Variants in DOK5 observed in about 807,000 individuals in gnomAD.
DOK5 encodes docking protein 5.
Under a neutral mutation model 43.3 loss-of-function variants are expected in DOK5, and 27 were observed. The ratio of observed to expected loss-of-function variants is 0.62; its 90% CI spans 0.46 to 0.86. The LOEUF is 0.86. Ranked by LOEUF, DOK5 falls within the 40% of genes least tolerant of loss-of-function variation. The pLI, the probability that DOK5 is intolerant of heterozygous loss-of-function variation, is 0.00. For synonymous variants in DOK5, 146 were observed against 140.1 expected (o/e 1.04, Z -0.30); for missense variants, 373 against 392.9 (o/e 0.95, Z 0.43).
At chr20:54,546,853 T>C (rs1048166689) in intron 1 of DOK5, among the ~76,000 whole-genome samples, 6 of 152,186 alleles carry the variant, frequency 3.9e-5, no homozygotes, top group African/African-American at 1.4e-4. Flanking sequence ...AGAACAGTGA[T>C]TCCCCAATGG....
chr20:54,594,050 T>TTAA (rs1350100639), intron 5 of DOK5, among the ~76,000 whole-genome samples: 1 of 152,076 alleles, frequency 6.6e-6, no homozygotes, highest in South Asian at 2.1e-4. Flanking sequence ...GATACTAAGC[T>TTAA]TAATACCTGC....
chr20:54,642,530 C>G (rs1979168489), intron 6 of DOK5, among the ~76,000 whole-genome samples: 1 of 142,150 alleles, frequency 7.0e-6, no homozygotes, highest in South Asian at 2.3e-4. Flanking sequence ...ATGGAGAAAC[C>G]CCATCTCTAC....
At chr20:54,485,588 A>C (rs1414264114) in intron 1 of DOK5, among the ~76,000 whole-genome samples, 2 of 152,218 alleles carry the variant, frequency 1.3e-5, no homozygotes, top group African/African-American at 2.4e-5. Flanking sequence ...GTTTTTGGCT[A>C]TCATGAATGA....
intron 1 of DOK5, among the ~76,000 whole-genome samples, chr20:54,524,945 T>C (rs897948851): frequency 1.3e-5 from 2 of 152,230 alleles, no homozygotes; most frequent in Non-Finnish European, 2.9e-5. Context: ...GTGATTTGTT[T>C]TCAGCCAGAG....
chr20:54,506,466 A>T (rs907291734), intron 1 of DOK5, among the ~76,000 whole-genome samples: 1 of 152,048 alleles, frequency 6.6e-6, no homozygotes, highest in African/African-American at 2.4e-5. Flanking sequence ...ATTTTATTTT[A>T]ATGTATTTTA....
chr20:54,508,657 T>C (rs6023331), intron 1 of DOK5, among the ~76,000 whole-genome samples: 25,024 of 152,108 alleles, frequency 0.16, 5,599 homozygotes, highest in African/African-American at 0.51. Flanking sequence ...CTTGGCTCAC[T>C]GCAACCAGTG....
chr20:54,644,711 A>AAAAAAAAAAAACAAAC (rs1979301063), intron 7 of DOK5, among the ~76,000 whole-genome samples: 1 of 38,970 alleles, frequency 2.6e-5, no homozygotes, highest in African/African-American at 5.7e-5. Context: ...GTCTCAAAAA[A>AAAAAAAAAAAACAAAC]AAAAAAAAAA....
At chr20:54,506,263 G>C (rs148687786) in intron 1 of DOK5, among the ~76,000 whole-genome samples, 8 of 152,242 alleles carry the variant, frequency 5.3e-5, no homozygotes, top group African/African-American at 1.9e-4. Context: ...AAGAAACAGA[G>C]ATAGGGCAAG....
rs2146793146 is a variant in DOK5, at chr20:54,610,508, T to C, written c.720T>C (p.Ser240=). 6.6e-7 allele frequency: 1 copy of C among 1,510,862 alleles called. No individual in the cohort carries two copies. Among genetic ancestry groups the C allele is most frequent in the South Asian group, 1.3e-5 (1 of 76,646 alleles). The allele number at this position is 1,510,862 out of a possible 1,614,324, so 93.6% of individuals were successfully genotyped here. A position where few individuals can be genotyped will look rare whatever the true frequency, so the allele number is the denominator to read the frequency against. The part of the protein sequence containing the change: ...IAEQHERLLQ[S]VKNSMLQMKM... ...AGCAGCACGAGCGCTTGCTACAGAG[T>C]GTGAAAAACTCGATGGTACGTTTGG... Residue 240 remains serine (S), a synonymous_variant, in exon 6 of 8, where the codon AGT becomes AGC. Coordinates refer to ENST00000262593, the MANE Select transcript of DOK5 (RefSeq NM_018431.5).
chr20:54,532,489 C>G (rs1983810934), intron 1 of DOK5, among the ~76,000 whole-genome samples: 1 of 152,012 alleles, frequency 6.6e-6, no homozygotes, highest in Admixed American at 6.6e-5. Context: ...TGCATTGCGC[C>G]CAGGTGCAAG....
intron 2 of DOK5, among the ~76,000 whole-genome samples, chr20:54,558,435 C>G (rs535980615): frequency 2.0e-5 from 3 of 152,134 alleles, no homozygotes; most frequent in Admixed American, 1.3e-4. Flanking sequence ...TACATTTAGC[C>G]TCCAAGCCCT....
chr20:54,511,504 T>A (rs1277976645), intron 1 of DOK5, among the ~76,000 whole-genome samples: 2 of 152,238 alleles, frequency 1.3e-5, no homozygotes, highest in Admixed American at 6.5e-5. Flanking sequence ...GCTAGTTTGT[T>A]ATACATAGTT....
At chr20:54,564,586 C>T (rs889260643) in intron 2 of DOK5, among the ~76,000 whole-genome samples, 6 of 151,924 alleles carry the variant, frequency 3.9e-5, no homozygotes, top group African/African-American at 1.2e-4. Context: ...GCCAGAATGA[C>T]AGGTTTCAAA....
chr20:54,489,465 A>G (rs937767835), intron 1 of DOK5, among the ~76,000 whole-genome samples: 1 of 152,108 alleles, frequency 6.6e-6, no homozygotes, highest in Non-Finnish European at 1.5e-5. Context: ...ATACTTATAT[A>G]GTCTTCTGAG....
intron 6 of DOK5, among the ~76,000 whole-genome samples, chr20:54,640,613 C>A (rs891205617): frequency 6.6e-6 from 1 of 152,142 alleles, no homozygotes; most frequent in African/African-American, 2.4e-5. Context: ...GGCTTTGTAC[C>A]GTTCTCCTCT....
At chr20:54,644,723 A>AAAAAAAAAAAACAC (rs1555839841) in intron 7 of DOK5, among the ~76,000 whole-genome samples, 6 of 142,478 alleles carry the variant, frequency 4.2e-5, no homozygotes, top group Non-Finnish European at 7.5e-5. Flanking sequence ...AAAAAAAAAA[A>AAAAAAAAAAAACAC]ACAAAATTTA....
At chr20:54,491,324 AT>A (rs1982167855) in intron 1 of DOK5, among the ~76,000 whole-genome samples, 1 of 152,216 alleles carries the variant, frequency 6.6e-6, no homozygotes, top group Non-Finnish European at 1.5e-5. Context: ...CTGAAATAAC[AT>A]CTTGCATGTT....
intron 2 of DOK5, among the ~76,000 whole-genome samples, chr20:54,579,742 T>C (rs564420460): frequency 9.2e-5 from 14 of 152,280 alleles, no homozygotes; most frequent in Admixed American, 8.5e-4. Flanking sequence ...TCCTTCTTTT[T>C]TAGGGTGGGA....
At chr20:54,592,098 G>C (rs2146771000) in intron 5 of DOK5, among the ~76,000 whole-genome samples, 1 of 152,276 alleles carries the variant, frequency 6.6e-6, no homozygotes, top group South Asian at 2.1e-4. Context: ...AGGTAAAAAT[G>C]TTAAAAAGGT....
Sources: gnomAD v4.1 joint callset for allele counts (sites outside exome capture counted in the v4.1 genomes callset) on GRCh38, gnomAD v4.1.1 for gene constraint, MANE v1.5 for transcripts, NCBI Gene and HGNC (gene_info 2026-07-23, HGNC 2026-07-21) for gene names.